KCNN2: variants seen among roughly 807,000 people sequenced by gnomAD.
KCNN2 encodes potassium calcium-activated channel subfamily N member 2.
Under a neutral mutation model 55.5 loss-of-function variants are expected in KCNN2, and 24 were observed. The ratio of observed to expected loss-of-function variants is 0.43; its 90% confidence interval spans 0.31 to 0.61. KCNN2 has a LOEUF of 0.61. Among genes scored for constraint, KCNN2 ranks in the 20% least tolerant of loss-of-function variants. The pLI is 0.08. For missense variants in KCNN2, 754 were observed against 853.6 expected (o/e 0.88, Z 1.45); for synonymous variants, 431 against 336.1 (o/e 1.28, Z -3.09).
chr5:114,092,621 A>G (rs1052406551), intron 1 of KCNN2, among the ~76,000 whole-genome samples: 2 of 152,208 alleles, frequency 1.3e-5, no homozygotes, highest in Non-Finnish European at 2.9e-5. Context: ...CCATCCCTGC[A>G]TCACACTTCT....
At chr5:114,323,668 G>A (rs199851939) in intron 2 of KCNN2, among the ~76,000 whole-genome samples, 1 of 15,954 alleles carries the variant, frequency 6.3e-5, no homozygotes, top group African/African-American at 1.7e-4. Flanking sequence ...TTTTTTTTTT[G>A]CTGGTCGGGA....
chr5:114,134,281 C>A (rs1179450911), intron 1 of KCNN2, among the ~76,000 whole-genome samples: 3 of 150,790 alleles, frequency 2.0e-5, no homozygotes, highest in Non-Finnish European at 4.4e-5. Context: ...TACGCTTGGC[C>A]CTCTTAGCTT....
intron 2 of KCNN2, among the ~76,000 whole-genome samples, chr5:114,346,013 C>T (rs534711331): frequency 5.3e-5 from 8 of 152,226 alleles, no homozygotes; most frequent in African/African-American, 1.4e-4. Flanking sequence ...CAACTCCCGA[C>T]CTTAAGTGAT....
chr5:114,182,755 T>C (rs1753264217), intron 1 of KCNN2, among the ~76,000 whole-genome samples: 1 of 152,154 alleles, frequency 6.6e-6, no homozygotes, highest in Non-Finnish European at 1.5e-5. Flanking sequence ...CATCAATTGG[T>C]TTCTAGTTTT....
chr5:114,367,733 C>A (rs1757643331), intron 2 of KCNN2, among the ~76,000 whole-genome samples: 1 of 151,982 alleles, frequency 6.6e-6, no homozygotes, highest in Non-Finnish European at 1.5e-5. Context: ...TTCAACTATC[C>A]TTTAAGATCT....
At chr5:114,106,132 A>C (rs1401291981) in intron 1 of KCNN2, among the ~76,000 whole-genome samples, 2 of 151,956 alleles carry the variant, frequency 1.3e-5, no homozygotes, top group African/African-American at 4.8e-5. Flanking sequence ...TTATGTACCC[A>C]AAATCTGGTT....
intron 1 of KCNN2, among the ~76,000 whole-genome samples, chr5:114,216,163 C>T (rs1395885547): frequency 6.6e-6 from 1 of 152,092 alleles, no homozygotes; most frequent in Admixed American, 6.6e-5. Flanking sequence ...ATCAGTCCAA[C>T]ATTACTACAC....
chr5:114,259,897 C>T (rs1012979214), intron 2 of KCNN2, among the ~76,000 whole-genome samples: 3 of 152,078 alleles, frequency 2.0e-5, no homozygotes, highest in Non-Finnish European at 2.9e-5. Context: ...CTGTAACTTT[C>T]GTTCTTCTTT....
At chr5:114,328,006 T>C (rs1687840675) in intron 2 of KCNN2, among the ~76,000 whole-genome samples, 1 of 152,218 alleles carries the variant, frequency 6.6e-6, no homozygotes, top group Non-Finnish European at 1.5e-5. Flanking sequence ...TGGTCTTTTA[T>C]ATAGAGGTCG....
intron 4 of KCNN2, among the ~76,000 whole-genome samples, chr5:114,466,130 A>G (rs562278366): frequency 6.6e-6 from 1 of 152,284 alleles, no homozygotes; most frequent in Non-Finnish European, 1.5e-5. Context: ...AAAATAAGTC[A>G]TGAGATTGCC....
chr5:114,427,991 G>A (rs958662989), intron 3 of KCNN2, among the ~76,000 whole-genome samples: 8 of 152,136 alleles, frequency 5.3e-5, no homozygotes, highest in East Asian at 3.8e-4. Flanking sequence ...AGGAAAGGGC[G>A]TTATATGTAT....
chr5:114,388,745 A>G (rs147772873), intron 2 of KCNN2, among the ~76,000 whole-genome samples: 62 of 152,276 alleles, frequency 4.1e-4, no homozygotes, highest in South Asian at 8.3e-4. Context: ...AGTTCTGTAT[A>G]GTCTTCTAGG....
In KCNN2 at chr5:114,424,897, G is replaced by A. The variant is rs199839991; in HGVS notation, c.1637+20041G>A. Among the ~76,000 whole-genome samples the A allele has an allele frequency of 1.8e-4, 28 of 152,282 alleles. No homozygotes were observed. The East Asian group carries it at 5.0e-3, about 27-fold the overall frequency. ...CAATGATGGATTTTATCTTGTAGATGCCCAGATGTTGAAAGGTAGAAGGGA... is the reference window on the plus strand; with the variant it reads ...CAATGATGGATTTTATCTTGTAGATACCCAGATGTTGAAAGGTAGAAGGGA... On this transcript the variant is annotated intron_variant, in intron 3 of 7. Coordinates refer to ENST00000673685, the MANE Select transcript of KCNN2 (RefSeq NM_021614.4).
intron 2 of KCNN2, among the ~76,000 whole-genome samples, chr5:114,238,374 C>T (rs1754549767): frequency 6.6e-6 from 1 of 151,992 alleles, no homozygotes; most frequent in African/African-American, 2.4e-5. Flanking sequence ...GCCTGTAATC[C>T]TAGCACTTTG....
At chr5:114,306,603 C>G (rs1433074790) in intron 2 of KCNN2, among the ~76,000 whole-genome samples, 1 of 152,086 alleles carries the variant, frequency 6.6e-6, no homozygotes, top group African/African-American at 2.4e-5. Context: ...GGAAAATAAC[C>G]ACAGGATGGG....
At chr5:114,250,093 G>A (rs1315302937) in intron 2 of KCNN2, among the ~76,000 whole-genome samples, 1 of 152,078 alleles carries the variant, frequency 6.6e-6, no homozygotes, top group East Asian at 1.9e-4. Context: ...TAAGAGCCTA[G>A]GAAAATGGGA....
At chr5:114,133,571 T>G (rs528931077) in intron 1 of KCNN2, among the ~76,000 whole-genome samples, 3 of 152,264 alleles carry the variant, frequency 2.0e-5, no homozygotes, top group African/African-American at 7.2e-5. Context: ...GGAGCATTGT[T>G]TTTTGGGATT....
intron 3 of KCNN2, among the ~76,000 whole-genome samples, chr5:114,426,835 G>A (rs1295522337): frequency 4.6e-5 from 7 of 152,146 alleles, no homozygotes; most frequent in Admixed American, 2.6e-4. Context: ...TTCCCTTTGC[G>A]ATTGTAGTTT....
At chr5:114,149,279 G>A (rs781171505) in intron 1 of KCNN2, among the ~76,000 whole-genome samples, 1 of 152,102 alleles carries the variant, frequency 6.6e-6, no homozygotes, top group African/African-American at 2.4e-5. Context: ...CGTCGAGACC[G>A]AAGACTAGTC....
Sources: allele counts gnomAD v4.1 joint callset (sites outside exome capture counted in the v4.1 genomes callset), GRCh38; gene constraint gnomAD v4.1.1; transcripts MANE v1.5; gene names NCBI Gene and HGNC (gene_info 2026-07-23, HGNC 2026-07-21).